Variants in FSHR observed in about 807,000 individuals in gnomAD.
The protein encoded by FSHR is follicle-stimulating hormone receptor.
Under a neutral mutation model 52.1 loss-of-function variants are expected in FSHR, and 46 were observed. The ratio of observed to expected loss-of-function variants is 0.88; its 90% CI spans 0.70 to 1.13. The LOEUF (loss-of-function observed/expected upper bound fraction) is 1.13. Ranked by LOEUF, FSHR falls within the 50% of genes most tolerant of loss-of-function variation. FSHR has a pLI of 0.00. For synonymous variants in FSHR, 399 were observed against 309.6 expected, an observed-to-expected ratio of 1.29 and a Z score of -3.03; for missense variants, 964 against 834.6, an observed-to-expected ratio of 1.16 and a Z score of -1.91.
Position 48,963,822 on chromosome 2 carries a change from A to C in FSHR, c.999T>G (p.Phe333Leu), listed in dbSNP as rs757512289. The change falls in exon 10 of 10, where the codon TTT becomes TTG. Residue 333 changes from phenylalanine (F) to leucine (L), a missense_variant. By Grantham distance (22) the Phe-to-Leu change is conservative (BLOSUM62 0). Coordinates refer to ENST00000406846, the MANE Select transcript of FSHR (RefSeq NM_000145.4). ...CCACTTCATTGCATAAGTCATAGTC[A>C]AACTCAGTGTACGTCATGTCAAATC... Reference protein sequence around the residue: ...SRGFDMTYTEFDYDLCNEVVD... With the variant: ...SRGFDMTYTELDYDLCNEVVD... 6.2e-7 allele frequency: 1 copy of C among 1,614,166 alleles called. No individual in the cohort carries two copies.
At chr2:48,964,564 T>A (rs1305115734) in intron 9 of FSHR, among the ~76,000 whole-genome samples, 1 of 152,190 alleles carries the variant, frequency 6.6e-6, no homozygotes, top group Admixed American at 6.5e-5. Flanking sequence ...CTTTATTATC[T>A]CACTTTCTGG....
At chr2:48,981,041 G>A (rs1309200775) in intron 8 of FSHR, among the ~76,000 whole-genome samples, 1 of 152,158 alleles carries the variant, frequency 6.6e-6, no homozygotes, top group Non-Finnish European at 1.5e-5. Context: ...TGCTGCTATT[G>A]TGGGGATCAA....
intron 4 of FSHR, among the ~76,000 whole-genome samples, chr2:48,994,802 A>G (rs1675949738): frequency 1.3e-5 from 2 of 152,178 alleles, no homozygotes; most frequent in Admixed American, 1.3e-4. Context: ...AGTTCTGCAA[A>G]TGAGTCTTTT....
At chr2:49,150,164 C>A (rs1673010818) in intron 1 of FSHR, among the ~76,000 whole-genome samples, 1 of 151,884 alleles carries the variant, frequency 6.6e-6, no homozygotes, top group Non-Finnish European at 1.5e-5. Flanking sequence ...AAGTCAGAAA[C>A]CAAAATTCCT....
intron 2 of FSHR, among the ~76,000 whole-genome samples, chr2:49,061,582 ATATC>A (rs1450551398): frequency 3.1e-4 from 43 of 140,708 alleles, no homozygotes; most frequent in African/African-American, 1.1e-3. Context: ...ATTTAGATAT[ATATC>A]TATATATCTA....
chr2:49,071,294 A>T (rs1346525309), intron 1 of FSHR, among the ~76,000 whole-genome samples: 1 of 152,202 alleles, frequency 6.6e-6, no homozygotes, highest in Non-Finnish European at 1.5e-5. Flanking sequence ...AGAGCCATTA[A>T]AGAAGATATT....
chr2:48,988,857 T>C (rs1159570189), intron 6 of FSHR, 120 bp downstream of exon 6: 2 of 758,314 alleles, frequency 2.6e-6, no homozygotes, highest in Non-Finnish European at 4.7e-6. Context: ...AACTGGAGAG[T>C]GATTTAAGTG....
chr2:49,049,007 T>A lies in FSHR; in HGVS notation c.224+19212A>T, dbSNP rs190003050. Among the ~76,000 whole-genome samples, 511 of 152,204 alleles carry A rather than the reference T, an allele frequency of 3.4e-3. 2 individuals carry two copies. The highest frequency in any genetic ancestry group is 5.4e-3 in the Non-Finnish European group (370 of 68,000). ...TAAATGAGGAAATAAAAATAAATAG[T>A]TCATGCATTGATTGCAGCTTACCTT... is the stretch of plus-strand genomic sequence containing the variant. On this transcript the variant is annotated intron_variant, in intron 2 of 9. Coordinates refer to ENST00000406846, the MANE Select transcript of FSHR (RefSeq NM_000145.4).
chr2:49,021,871 A>C (rs1443242975), intron 2 of FSHR, among the ~76,000 whole-genome samples: 88 of 54,316 alleles, frequency 1.6e-3, no homozygotes, highest in African/African-American at 2.9e-3. Flanking sequence ...CTCTATATAT[A>C]TATATATATA....
intron 4 of FSHR, among the ~76,000 whole-genome samples, chr2:49,015,895 A>G (rs1186386828): frequency 6.6e-6 from 1 of 152,196 alleles, no homozygotes; most frequent in Non-Finnish European, 1.5e-5. Flanking sequence ...CCTCCTGAGC[A>G]CAAAGCCCTA....
intron 8 of FSHR, among the ~76,000 whole-genome samples, chr2:48,979,806 T>C (rs1573037353): frequency 6.6e-6 from 1 of 150,872 alleles, no homozygotes; most frequent in South Asian, 2.1e-4. Context: ...TCACAGTCTT[T>C]GTGTGTGTGT....
At chr2:49,021,855 C>CTATATA (rs1357200388) in intron 2 of FSHR, among the ~76,000 whole-genome samples, 2 of 36,834 alleles carry the variant, frequency 5.4e-5, no homozygotes, top group Non-Finnish European at 9.8e-5. Context: ...CTCTCTCTCT[C>CTATATA]TCTCTCTCTA....
At chr2:48,996,620 C>A (rs1050633052) in intron 4 of FSHR, among the ~76,000 whole-genome samples, 6 of 151,900 alleles carry the variant, frequency 3.9e-5, no homozygotes, top group Non-Finnish European at 8.8e-5. Flanking sequence ...AGAAAAAGCA[C>A]AAATATGGGG....
At chr2:49,057,326 A>T (rs542121299) in intron 2 of FSHR, among the ~76,000 whole-genome samples, 1 of 152,280 alleles carries the variant, frequency 6.6e-6, no homozygotes, top group Admixed American at 6.5e-5. Context: ...AATGAAAAAC[A>T]TACACAATGA....
intron 1 of FSHR, among the ~76,000 whole-genome samples, chr2:49,098,751 A>G (rs1378836509): frequency 1.4e-5 from 2 of 141,404 alleles, no homozygotes; most frequent in Admixed American, 1.5e-4. Context: ...TATATATATT[A>G]TTATATAATA....
intron 1 of FSHR, among the ~76,000 whole-genome samples, chr2:49,133,067 A>T (rs1203745554): frequency 6.8e-6 from 1 of 147,000 alleles, no homozygotes; most frequent in Admixed American, 6.9e-5. Context: ...TGGAGACCCC[A>T]CTCCAGACTG....
At chr2:49,144,942 C>G (rs1250426269) in intron 1 of FSHR, among the ~76,000 whole-genome samples, 3 of 152,114 alleles carry the variant, frequency 2.0e-5, no homozygotes, top group African/African-American at 7.2e-5. Context: ...TTCCTTATTA[C>G]TGTCCCCCTC....
intron 8 of FSHR, among the ~76,000 whole-genome samples, chr2:48,970,916 C>G (rs1345071821): frequency 6.6e-6 from 1 of 152,158 alleles, no homozygotes; most frequent in Non-Finnish European, 1.5e-5. Context: ...AAATGTGTTT[C>G]AAATCAGCCT....
rs967583612 is a variant in FSHR at position 49,062,196 on chromosome 2, A to G, written c.224+6023T>C. ...ATATACTACAAAGCTATAGTAATCCAAACAACGTGCTATGGTCATAAAAAC... is the reference window on the plus strand; with the variant it reads ...ATATACTACAAAGCTATAGTAATCCGAACAACGTGCTATGGTCATAAAAAC... On this transcript the variant is annotated intron_variant, in intron 2 of 9. Transcript: ENST00000406846. 2.0e-5 allele frequency among the ~76,000 whole-genome samples: 3 copies of G among 152,264 alleles called. No homozygotes were observed. The South Asian group carries it at 6.2e-4, about 32-fold the overall frequency.
Sources: gnomAD v4.1 joint callset for allele counts (sites outside exome capture counted in the v4.1 genomes callset) on GRCh38, gnomAD v4.1.1 for gene constraint, MANE v1.5 for transcripts, NCBI Gene and HGNC (gene_info 2026-07-23, HGNC 2026-07-21) for gene names.